PAPPA2: variants seen among roughly 807,000 people sequenced by gnomAD.
PAPPA2 encodes the protein pappalysin 2.
In PAPPA2, 86 loss-of-function variants were observed where a neutral mutation model predicts 176.4. That is an observed-to-expected ratio of 0.49 (90% CI 0.41 to 0.58). The LOEUF (loss-of-function observed/expected upper bound fraction) is 0.58. Among genes scored for constraint, PAPPA2 ranks in the 20% least tolerant of loss-of-function variants. The probability of loss-of-function intolerance (pLI) is 0.00; values close to 1 mark genes in which losing one functional copy is unlikely to be tolerated. For synonymous variants in PAPPA2, 809 were observed against 852.2 expected (o/e 0.95, Z 0.88); for missense variants, 2,073 against 2,256.9 (o/e 0.92, Z 1.65).
At chr1:176,675,353 A>T (rs1027019895) in intron 4 of PAPPA2, among the ~76,000 whole-genome samples, 7 of 152,072 alleles carry the variant, frequency 4.6e-5, no homozygotes. Context: ...TACACAATAA[A>T]AATTATCCAG....
chr1:176,547,012 A>C (rs1445912800), intron 1 of PAPPA2, among the ~76,000 whole-genome samples: 1 of 152,212 alleles, frequency 6.6e-6, no homozygotes, highest in Admixed American at 6.5e-5. Context: ...AAGTATTCTG[A>C]ACCTTTGGCT....
chr1:176,747,990 C>G (rs2102883423), intron 14 of PAPPA2, among the ~76,000 whole-genome samples: 1 of 152,328 alleles, frequency 6.6e-6, no homozygotes, highest in East Asian at 1.9e-4. Context: ...TCAAAGCCAA[C>G]AAGACAAAGA....
At chr1:176,500,568 T>G (rs1403421976) in intron 1 of PAPPA2, among the ~76,000 whole-genome samples, 3 of 150,670 alleles carry the variant, frequency 2.0e-5, no homozygotes, top group Non-Finnish European at 4.4e-5. Flanking sequence ...GTTAACTTAG[T>G]TCACATCCTA....
At chr1:176,504,811 C>G (rs898110379) in intron 1 of PAPPA2, among the ~76,000 whole-genome samples, 2 of 152,144 alleles carry the variant, frequency 1.3e-5, no homozygotes, top group African/African-American at 4.8e-5. Flanking sequence ...TTTTCCATAT[C>G]TCTTTTCCTC....
At position 176,771,028 on chromosome 1, in the gene PAPPA2, C is replaced by G; in HGVS notation, c.4563C>G (p.Cys1521Trp). 6.2e-7 allele frequency: 1 copy of G among 1,614,188 alleles called. No individual in the cohort carries two copies. The highest frequency in any genetic ancestry group is 8.5e-7 in the Non-Finnish European group (1 of 1,180,030). ...TCTGGTCTCTCCCTGAAGTCTACTG[C>G]AAGTTGGAGTGTGATGCTCCCCCTA... The part of the protein sequence containing the change: ...DGLWSLPEVY[C>W]KLECDAPPII... The change falls in exon 17 of 23, where the codon TGC becomes TGG. Residue 1521 changes from cysteine to tryptophan, a missense_variant. Physicochemically the swap from Cys to Trp is radical, Grantham distance 215. Around this residue, in one of 4 missense-constraint regions of PAPPA2, gnomAD observed 846 missense variants for 857.9 expected, o/e 0.99. Transcript: ENST00000367662.
intron 1 of PAPPA2, among the ~76,000 whole-genome samples, chr1:176,471,202 C>T (rs537507399): frequency 6.6e-6 from 1 of 152,218 alleles, no homozygotes; most frequent in East Asian, 1.9e-4. Flanking sequence ...GCTTGACTGT[C>T]TTGGGCCTGA....
chr1:176,643,787 C>T (rs1657235659), intron 3 of PAPPA2, among the ~76,000 whole-genome samples: 1 of 151,834 alleles, frequency 6.6e-6, no homozygotes, highest in Non-Finnish European at 1.5e-5. Context: ...CCTCAGATGG[C>T]TTCAAAACAC....
In PAPPA2 at chr1:176,699,161, C is replaced by G. The variant is rs776925998; in HGVS notation, c.2808C>G (p.His936Gln). The change falls in exon 8 of 23, where the codon CAC becomes CAG. Residue 936 changes from histidine (H) to glutamine (Q), a missense_variant. His to Gln is a conservative substitution (Grantham distance 24, BLOSUM62 0). Around this residue, in one of 4 missense-constraint regions of PAPPA2, gnomAD observed 1,196 missense variants for 1,330.4 expected, o/e 0.90. Transcript: ENST00000367662. ...TACAGGCCTGGAGCCCTGAGGTCCA[C>G]CTGTACCACATGAACATGACGGTCC... is the stretch of plus-strand genomic sequence containing the variant. The part of the protein sequence containing the change: ...PSLQAWSPEV[H>Q]LYHMNMTVPC... 3.7e-6 allele frequency: 6 copies of G among 1,614,002 alleles called. No homozygotes were observed. In the South Asian group the frequency reaches 6.6e-5, roughly 18 times the overall value.
chr1:176,763,344 C>T (rs1037891803), intron 14 of PAPPA2, among the ~76,000 whole-genome samples: 1 of 152,280 alleles, frequency 6.6e-6, no homozygotes, highest in South Asian at 2.1e-4. Context: ...GTTCTTATAC[C>T]ACTGGTACTC....
intron 2 of PAPPA2, among the ~76,000 whole-genome samples, chr1:176,583,220 G>GT (rs1168619111): frequency 6.6e-6 from 1 of 151,488 alleles, no homozygotes; most frequent in Non-Finnish European, 1.5e-5. Flanking sequence ...TCTCTCTTTT[G>GT]TTTATTTTTC....
At chr1:176,637,898 A>G (rs1287981030) in intron 3 of PAPPA2, among the ~76,000 whole-genome samples, 1 of 151,870 alleles carries the variant, frequency 6.6e-6, no homozygotes, top group East Asian at 1.9e-4. Flanking sequence ...CTGACTGCCA[A>G]CCTTTTCTTT....
chr1:176,550,923 C>T (rs913568790), intron 1 of PAPPA2, among the ~76,000 whole-genome samples: 6 of 152,096 alleles, frequency 3.9e-5, no homozygotes, highest in Admixed American at 1.3e-4. Context: ...GGCCAGTGTT[C>T]GATACTGCCT....
At chr1:176,496,227 G>A (rs1453050015) in intron 1 of PAPPA2, among the ~76,000 whole-genome samples, 1 of 152,102 alleles carries the variant, frequency 6.6e-6, no homozygotes. Flanking sequence ...TATCTCCAAT[G>A]CTATACAACT....
chr1:176,804,447 C>T (rs543698141), intron 21 of PAPPA2, among the ~76,000 whole-genome samples: 1 of 152,286 alleles, frequency 6.6e-6, no homozygotes, highest in Admixed American at 6.5e-5. Context: ...ATACAGTGCA[C>T]AGTATAGCCC....
At chr1:176,623,914 C>T (rs1655857410) in intron 3 of PAPPA2, among the ~76,000 whole-genome samples, 1 of 151,280 alleles carries the variant, frequency 6.6e-6, no homozygotes, top group Non-Finnish European at 1.5e-5. Flanking sequence ...GAACACAGCT[C>T]ACTACAGCCT....
rs542827194 is a variant in PAPPA2 at position 176,689,618 on chromosome 1, G to T, written c.2138-519G>T. 3.3e-5 allele frequency among the ~76,000 whole-genome samples: 5 copies of T among 152,328 alleles called. No homozygotes were observed. In the East Asian group the frequency reaches 9.7e-4, roughly 29 times the overall value. On this transcript the variant is annotated intron_variant, in intron 4 of 22. Coordinates refer to ENST00000367662, the MANE Select transcript of PAPPA2 (RefSeq NM_020318.3). Reference sequence around the variant, plus strand: ...TTACAGACAACAAAACTGAGTTCCAGGAGGTAAGACGGCTGTTCAAGTCCT... The same window carrying T: ...TTACAGACAACAAAACTGAGTTCCATGAGGTAAGACGGCTGTTCAAGTCCT...
chr1:176,651,060 T>C (rs1333039704), intron 3 of PAPPA2, among the ~76,000 whole-genome samples: 2 of 151,914 alleles, frequency 1.3e-5, no homozygotes, highest in Non-Finnish European at 3.0e-5. Flanking sequence ...ACAAATTTTA[T>C]ATTGCCTTAT....
intron 7 of PAPPA2, among the ~76,000 whole-genome samples, chr1:176,698,483 T>G (rs1182380231): frequency 1.3e-5 from 2 of 152,166 alleles, no homozygotes; most frequent in Non-Finnish European, 2.9e-5. Flanking sequence ...CATTACATTT[T>G]TATTTGGCTA....
chr1:176,818,416 G>T (rs1666497432), intron 21 of PAPPA2, among the ~76,000 whole-genome samples: 1 of 152,168 alleles, frequency 6.6e-6, no homozygotes, highest in Non-Finnish European at 1.5e-5. Flanking sequence ...ATGGTTTCTT[G>T]TTTCTCTGTG....
Sources: gnomAD v4.1 joint callset for allele counts (sites outside exome capture counted in the v4.1 genomes callset) on GRCh38, gnomAD v4.1.1 for gene constraint, gnomAD v4.1.1 regional missense constraint, MANE v1.5 for transcripts, NCBI Gene and HGNC (gene_info 2026-07-23, HGNC 2026-07-21) for gene names.